The following JADE1 variants were observed in gnomAD, a reference collection of about 807,000 sequenced individuals.
JADE1 encodes jade family PHD finger 1, also known as protein Jade-1.
Under a neutral mutation model 81.8 loss-of-function variants are expected in JADE1, and 14 were observed. The ratio of observed to expected loss-of-function variants is 0.17; its 90% CI spans 0.11 to 0.27. The LOEUF is 0.27. Among genes scored for constraint, JADE1 ranks in the 10% least tolerant of loss-of-function variants. The probability of loss-of-function intolerance (pLI) is 1.00; values close to 1 mark genes in which losing one functional copy is unlikely to be tolerated. For missense variants in JADE1, 690 were observed against 1,047.9 expected (o/e 0.66, Z 4.71); for synonymous variants, 353 against 391.9 (o/e 0.90, Z 1.17).
intron 5 of JADE1, among the ~76,000 whole-genome samples, chr4:128,851,236 A>G (rs539410227): frequency 1.3e-5 from 2 of 152,320 alleles, no homozygotes; most frequent in South Asian, 2.1e-4. Context: ...TCTTTTTTGC[A>G]TTTGGTTAAC....
At chr4:128,857,706 T>TG (rs1211355810) in intron 8 of JADE1, among the ~76,000 whole-genome samples, 1 of 152,212 alleles carries the variant, frequency 6.6e-6, no homozygotes, top group African/African-American at 2.4e-5. Context: ...GTGAGGCGGT[T>TG]GCAGTTTGTC....
chr4:128,830,311 G>C (rs1728441785), intron 1 of JADE1, among the ~76,000 whole-genome samples: 2 of 147,916 alleles, frequency 1.4e-5, no homozygotes, highest in East Asian at 2.0e-4. Flanking sequence ...TCGGCTCACT[G>C]CAACCTCCGC....
intron 2 of JADE1, among the ~76,000 whole-genome samples, chr4:128,837,452 G>A (rs1729073820): frequency 6.6e-6 from 1 of 152,180 alleles, no homozygotes; most frequent in Non-Finnish European, 1.5e-5. Flanking sequence ...GGAAGTGGAA[G>A]TGAGTTTGGC....
rs190454047 is a variant in JADE1, at chr4:128,823,856, A to T, written c.-26-7877A>T. Among the ~76,000 whole-genome samples the T allele has an allele frequency of 3.5e-4, 54 of 152,310 alleles. No individual in the cohort carries two copies. The East Asian group carries it at 0.01, about 28-fold the overall frequency. ...TTGCCAGTTGGAAAACTTCATATTT[A>T]AGCGATTAATGTTTACTTTAAAAAC... is the stretch of plus-strand genomic sequence containing the variant. On this transcript the variant is annotated intron_variant, in intron 1 of 10. Coordinates refer to ENST00000226319, the MANE Select transcript of JADE1 (RefSeq NM_199320.4).
At chr4:128,839,151 A>C (rs560791301) in intron 2 of JADE1, among the ~76,000 whole-genome samples, 1 of 152,296 alleles carries the variant, frequency 6.6e-6, no homozygotes, top group East Asian at 1.9e-4. Flanking sequence ...GCACTGACTA[A>C]CTTAGCTATG....
At chr4:128,864,691 G>T in intron 9 of JADE1, 1 of 776,614 alleles carries the variant, frequency 1.3e-6, no homozygotes, top group Non-Finnish European at 1.6e-6. Context: ...GTTTATAGCA[G>T]ATCCTCAAAA....
intron 7 of JADE1, 100 bp from the exon 8 acceptor site, chr4:128,857,238 A>T: frequency 1.1e-6 from 1 of 901,850 alleles, no homozygotes; most frequent in South Asian, 1.4e-5. Flanking sequence ...ACTGTCTGGT[A>T]GGAGAGATGT....
intron 1 of JADE1, among the ~76,000 whole-genome samples, chr4:128,825,201 G>A (rs1367460716): frequency 6.6e-6 from 1 of 152,014 alleles, no homozygotes; most frequent in African/African-American, 2.4e-5. Flanking sequence ...CACCAAACCT[G>A]GTTAACTTTT....
intron 2 of JADE1, among the ~76,000 whole-genome samples, chr4:128,841,292 A>G: frequency 6.6e-6 from 1 of 152,202 alleles, no homozygotes; most frequent in East Asian, 1.9e-4. Flanking sequence ...AGTTGGACAA[A>G]TACTACATGT....
intron 2 of JADE1, among the ~76,000 whole-genome samples, chr4:128,841,125 A>G (rs973097322): frequency 8.5e-5 from 13 of 152,340 alleles, no homozygotes; most frequent in African/African-American, 2.2e-4. Flanking sequence ...TTCCTGTCTG[A>G]GTGACAAATG....
At chr4:128,855,915 G>A in intron 7 of JADE1, 118 bp downstream of exon 7, 1 of 793,122 alleles carries the variant, frequency 1.3e-6, no homozygotes, top group Non-Finnish European at 1.9e-6. Flanking sequence ...GACCTGCTGG[G>A]CTCAAGTGAT....
At chr4:128,815,652 T>A (rs1315818598) in intron 1 of JADE1, among the ~76,000 whole-genome samples, 2 of 152,186 alleles carry the variant, frequency 1.3e-5, no homozygotes, top group Non-Finnish European at 2.9e-5. Context: ...ACAGATTACA[T>A]CCTGTCTCTT....
chr4:128,862,241 G>GT lies in JADE1; in HGVS notation c.1503+16_1503+17insT, dbSNP rs1309435033. The GT allele has an allele frequency of 2.5e-6, 4 of 1,614,094 alleles. No homozygotes were observed. The highest frequency in any genetic ancestry group is 2.5e-6 in the Non-Finnish European group (3 of 1,179,984). ...CCTGGAGAGGGTAATGATTGACACT[G>GT]ACACCTTATAGTGACTTAGAGAAGA... is the stretch of plus-strand genomic sequence containing the variant. On this transcript the variant is annotated intron_variant, in intron 9 of 10. Transcript: ENST00000226319.
At chr4:128,841,398 G>A (rs765764605) in intron 2 of JADE1, among the ~76,000 whole-genome samples, 3 of 152,170 alleles carry the variant, frequency 2.0e-5, no homozygotes, top group Non-Finnish European at 4.4e-5. Flanking sequence ...TTAACAGGAG[G>A]CAGAGGCAGA....
At chr4:128,850,136 A>G (rs527297366) in intron 5 of JADE1, among the ~76,000 whole-genome samples, 1 of 151,956 alleles carries the variant, frequency 6.6e-6, no homozygotes, top group Non-Finnish European at 1.5e-5. Context: ...TCTACTAAAA[A>G]TACAAAAATT....
intron 1 of JADE1, among the ~76,000 whole-genome samples, chr4:128,822,483 C>A (rs537575892): frequency 6.6e-6 from 1 of 151,762 alleles, no homozygotes; most frequent in South Asian, 2.1e-4. Flanking sequence ...GAGGCCGAGG[C>A]GGGTGGATCA....
chr4:128,859,854 A>AT lies in JADE1; in HGVS notation c.982-1849dup, dbSNP rs555644269. Among the ~76,000 whole-genome samples the AT allele has an allele frequency of 2.7e-4, 41 of 152,352 alleles. 1 individual carries two copies. In the East Asian group the frequency reaches 6.7e-3, roughly 25 times the overall value. On this transcript the variant is annotated intron_variant, in intron 8 of 10. Transcript: ENST00000226319. ...CTAAAGAAGAGGCCAAAGAAGGCTG[A>AT]TGATTTTTCATATCTTCACAGAATG... is the stretch of plus-strand genomic sequence containing the variant.
In JADE1 at chr4:128,857,343, C is replaced by T. The variant is rs1730881751; in HGVS notation, c.870C>T (p.Ser290=). 1.2e-5 allele frequency: 20 copies of T among 1,613,682 alleles called. No individual in the cohort carries two copies. The highest frequency in any genetic ancestry group is 1.6e-5 in the Non-Finnish European group (19 of 1,179,726). ...TGCTGTTTTCCGACCTTTAGGTGAG[C>T]ATTGGCAGCCCAGAGAAGATGGAGC... ...VSCALWIPEV[S]IGSPEKMEPI... The change falls in exon 8 of 11, where the codon AGC becomes AGT. Residue 290 remains serine (S), a synonymous_variant. Coordinates refer to ENST00000226319, the MANE Select transcript of JADE1 (RefSeq NM_199320.4).
At chr4:128,819,140 G>A (rs1481286641) in intron 1 of JADE1, among the ~76,000 whole-genome samples, 1 of 152,198 alleles carries the variant, frequency 6.6e-6, no homozygotes, top group Non-Finnish European at 1.5e-5. Context: ...GATTGTTTCT[G>A]CTGGTGGCTG....
Sources: allele counts gnomAD v4.1 joint callset (sites outside exome capture counted in the v4.1 genomes callset), GRCh38; gene constraint gnomAD v4.1.1; transcripts MANE v1.5; gene names NCBI Gene and HGNC (gene_info 2026-07-23, HGNC 2026-07-21).